The following CAGE1 variants were observed in gnomAD, a reference collection of about 807,000 sequenced individuals.
CAGE1 encodes cancer-associated gene 1 protein.
CAGE1 carries 66 observed loss-of-function variants against 94.9 expected under a neutral mutation model. That is an observed-to-expected ratio of 0.70 (90% CI 0.57 to 0.85). The LOEUF (loss-of-function observed/expected upper bound fraction) is 0.85, where lower values mean the gene tolerates loss of function less well. Among genes scored for constraint, CAGE1 ranks in the 40% least tolerant of loss-of-function variants. CAGE1 has a pLI of 0.00. For synonymous variants in CAGE1, 319 were observed against 321.0 expected, an observed-to-expected ratio of 0.99 and a Z score of 0.07; for missense variants, 865 against 950.4, an observed-to-expected ratio of 0.91 and a Z score of 1.18.
At chr6:7,343,444 G>T (rs1759271358) in intron 11 of CAGE1, among the ~76,000 whole-genome samples, 1 of 152,132 alleles carries the variant, frequency 6.6e-6, no homozygotes, top group African/African-American at 2.4e-5. Flanking sequence ...AAAGTATCAT[G>T]AAACTTAGAA....
chr6:7,376,389 A>AAAGT (rs771690184), intron 4 of CAGE1, among the ~76,000 whole-genome samples: 1 of 141,596 alleles, frequency 7.1e-6, no homozygotes, highest in African/African-American at 2.6e-5. Context: ...ACTCCATCTC[A>AAAGT]AAATAAATAA....
intron 3 of CAGE1, among the ~76,000 whole-genome samples, chr6:7,384,851 G>A (rs571179700): frequency 1.4e-3 from 220 of 151,906 alleles, no homozygotes; most frequent in Middle Eastern, 3.4e-3. Flanking sequence ...AATGGACCAC[G>A]ATGCCTGGCT....
At position 7,374,079 on chromosome 6, in the gene CAGE1, G is replaced by A; in HGVS notation, c.740C>T (p.Ser247Leu). The A allele has an allele frequency of 1.2e-6, 2 of 1,613,870 alleles. No homozygotes were observed. The highest frequency in any genetic ancestry group is 1.7e-6 in the Non-Finnish European group (2 of 1,179,880). ...IQNYGEIPEMSVSYEKEVTAE... is the reference protein window; with the variant it reads ...IQNYGEIPEMLVSYEKEVTAE... ...TGTGACTTCCTTTTCATAACTGACT[G>A]ACATCTCAGGAATCTCCCCATAATT... Residue 247 changes from serine (S) to leucine (L), a missense_variant, in exon 5 of 14, where the codon TCA becomes TTA. Transcript: ENST00000502583.
intron 11 of CAGE1, among the ~76,000 whole-genome samples, chr6:7,351,787 A>G (rs997278132): frequency 2.0e-5 from 3 of 152,196 alleles, no homozygotes; most frequent in Non-Finnish European, 4.4e-5. Context: ...AAATCATATG[A>G]TCTTCTCAAT....
At chr6:7,355,534 A>G (rs1581678313) in intron 10 of CAGE1, among the ~76,000 whole-genome samples, 1 of 152,262 alleles carries the variant, frequency 6.6e-6, no homozygotes, top group East Asian at 1.9e-4. Flanking sequence ...ATAGACACAC[A>G]CAACAATCTT....
chr6:7,352,789 T>A (rs893861530), intron 11 of CAGE1, among the ~76,000 whole-genome samples: 11 of 151,878 alleles, frequency 7.2e-5, no homozygotes, highest in African/African-American at 2.2e-4. Flanking sequence ...AAACATAAAG[T>A]GGGGAAAGGA....
At chr6:7,335,421 A>G (rs915379186) in intron 11 of CAGE1, among the ~76,000 whole-genome samples, 1 of 152,356 alleles carries the variant, frequency 6.6e-6, no homozygotes, top group East Asian at 1.9e-4. Context: ...TCAGGCAGGT[A>G]TGTGAAATGA....
intron 11 of CAGE1, chr6:7,342,008 A>G (rs796092139): frequency 2.1e-5 from 17 of 806,836 alleles, no homozygotes; most frequent in African/African-American, 1.3e-4. Flanking sequence ...ACGAAGCTCA[A>G]GGTGTTCTTG....
intron 11 of CAGE1, among the ~76,000 whole-genome samples, chr6:7,336,849 A>G (rs2113354542): frequency 1.3e-5 from 2 of 152,170 alleles, no homozygotes; most frequent in South Asian, 4.2e-4. Flanking sequence ...CCATCCATAT[A>G]CTTTCTTGGT....
chr6:7,342,067 G>T, intron 11 of CAGE1: 1 of 919,208 alleles, frequency 1.1e-6, no homozygotes, highest in South Asian at 1.3e-5. Context: ...CTGGAAGCTC[G>T]ACTAATAGAA....
intron 11 of CAGE1, among the ~76,000 whole-genome samples, chr6:7,335,202 C>T (rs780083560): frequency 7.9e-5 from 12 of 152,134 alleles, no homozygotes; most frequent in Non-Finnish European, 1.2e-4. Flanking sequence ...CATTTAGGGC[C>T]CACTCAGATA....
chr6:7,381,783 C>G (rs2113470303), intron 3 of CAGE1, among the ~76,000 whole-genome samples: 1 of 152,068 alleles, frequency 6.6e-6, no homozygotes, highest in South Asian at 2.1e-4. Context: ...CCCACCTCAG[C>G]CTCCCAAAGT....
intron 11 of CAGE1, among the ~76,000 whole-genome samples, chr6:7,344,858 G>C (rs192091852): frequency 1.4e-3 from 212 of 152,300 alleles, no homozygotes; most frequent in Non-Finnish European, 2.7e-3. Flanking sequence ...GTGGGGCCTT[G>C]GAGAACCTTT....
chr6:7,374,502 A>G (rs1760666959), intron 4 of CAGE1, among the ~76,000 whole-genome samples: 1 of 151,524 alleles, frequency 6.6e-6, no homozygotes, highest in South Asian at 2.1e-4. Context: ...AGACAAATAA[A>G]TGTATCAATT....
intron 12 of CAGE1, among the ~76,000 whole-genome samples, chr6:7,330,795 A>T (rs1036264226): frequency 1.3e-5 from 2 of 152,214 alleles, no homozygotes; most frequent in African/African-American, 2.4e-5. Flanking sequence ...TCTTCTGCCC[A>T]TCTCACCCCC....
intron 11 of CAGE1, among the ~76,000 whole-genome samples, chr6:7,344,221 G>A (rs1024922857): frequency 6.6e-6 from 1 of 152,186 alleles, no homozygotes; most frequent in Admixed American, 6.5e-5. Context: ...TGTAGAGGGA[G>A]AGGCGCCAGC....
At chr6:7,343,370 T>C (rs1014399535) in intron 11 of CAGE1, among the ~76,000 whole-genome samples, 1 of 152,214 alleles carries the variant, frequency 6.6e-6, no homozygotes, top group African/African-American at 2.4e-5. Flanking sequence ...GATCAAGGTA[T>C]AAAATCACAT....
At chr6:7,357,905 T>A (rs1236530508) in intron 9 of CAGE1, among the ~76,000 whole-genome samples, 1 of 151,334 alleles carries the variant, frequency 6.6e-6, no homozygotes, top group African/African-American at 2.4e-5. Flanking sequence ...GTGATTCTCC[T>A]GCCTCAGCCT....
intron 11 of CAGE1, among the ~76,000 whole-genome samples, chr6:7,346,506 G>A (rs774825952): frequency 1.3e-5 from 2 of 151,914 alleles, no homozygotes; most frequent in African/African-American, 2.4e-5. Flanking sequence ...CCAAGACTGC[G>A]CCACTGCACT....
Sources: gnomAD v4.1 joint callset for allele counts (sites outside exome capture counted in the v4.1 genomes callset) on GRCh38, gnomAD v4.1.1 for gene constraint, MANE v1.5 for transcripts, NCBI Gene and HGNC (gene_info 2026-07-23, HGNC 2026-07-21) for gene names.